The following KANSL1 variants were observed in gnomAD, a reference collection of about 807,000 sequenced individuals.
KANSL1 encodes MLL1/MLL complex subunit KANSL1.
In KANSL1, 22 loss-of-function variants were observed where a neutral mutation model predicts 103.6. The ratio of observed to expected loss-of-function variants is 0.21; its 90% CI spans 0.15 to 0.30. KANSL1 has a LOEUF of 0.30. Ranked by LOEUF, KANSL1 falls within the 10% of genes least tolerant of loss-of-function variation. The probability of loss-of-function intolerance (pLI) is 1.00; values close to 1 mark genes in which losing one functional copy is unlikely to be tolerated. For synonymous variants in KANSL1, 600 were observed against 527.6 expected (o/e 1.14, Z -1.88); for missense variants, 1,337 against 1,399.8 (o/e 0.96, Z 0.72).
rs1176379015 is a variant in KANSL1, at chr17:46,131,177, T to C, written c.1290-36476A>G. ...GATGTATTATAAAAGAGAAGAAATT[T>C]TGCCTGGTTTTTACATTTATTTAAG... On this transcript the variant is annotated intron_variant, in intron 2 of 14. Transcript: ENST00000432791. 3.3e-5 allele frequency among the ~76,000 whole-genome samples: 5 copies of C among 152,246 alleles called. No individual in the cohort carries two copies. The East Asian group carries it at 5.8e-4, about 18-fold the overall frequency.
intron 1 of KANSL1, among the ~76,000 whole-genome samples, chr17:46,219,191 G>A (rs1377968396): frequency 1.3e-5 from 2 of 151,650 alleles, no homozygotes; most frequent in Non-Finnish European, 2.9e-5. Context: ...TTGAACCCAG[G>A]AAGTGGAGGT....
intron 4 of KANSL1, among the ~76,000 whole-genome samples, chr17:46,079,240 A>G (rs2078898615): frequency 6.6e-6 from 1 of 152,240 alleles, no homozygotes; most frequent in Admixed American, 6.5e-5. Context: ...ACTTAGTTCA[A>G]TAATATCTGT....
intron 2 of KANSL1, among the ~76,000 whole-genome samples, chr17:46,140,013 T>C (rs2044340452): frequency 6.6e-6 from 1 of 152,174 alleles, no homozygotes; most frequent in Non-Finnish European, 1.5e-5. Context: ...AAGCTCATAA[T>C]AAAATTTCAA....
intron 10 of KANSL1, chr17:46,038,253 A>T (rs2146354555): frequency 2.4e-6 from 1 of 414,760 alleles, no homozygotes; most frequent in Non-Finnish European, 4.3e-6. Context: ...GATCTTGAAT[A>T]GTCACAGATC....
At chr17:46,217,683 G>T (rs1313382907) in intron 1 of KANSL1, among the ~76,000 whole-genome samples, 1 of 152,106 alleles carries the variant, frequency 6.6e-6, no homozygotes, top group Non-Finnish European at 1.5e-5. Context: ...AAGGTCAGGA[G>T]TTTGAGACCA....
intron 2 of KANSL1, among the ~76,000 whole-genome samples, chr17:46,162,823 T>C (rs2045813301): frequency 6.6e-6 from 1 of 152,260 alleles, no homozygotes; most frequent in Admixed American, 6.5e-5. Context: ...GGCAACTAGC[T>C]ACCTCTCTGG....
At chr17:46,070,184 A>G (rs1336991424) in intron 4 of KANSL1, among the ~76,000 whole-genome samples, 1 of 152,228 alleles carries the variant, frequency 6.6e-6, no homozygotes, top group Non-Finnish European at 1.5e-5. Context: ...CACTGCAATG[A>G]TATCTATCAA....
chr17:46,146,495 A>AC (rs1399891108), intron 2 of KANSL1, among the ~76,000 whole-genome samples: 1 of 152,222 alleles, frequency 6.6e-6, no homozygotes, highest in African/African-American at 2.4e-5. Context: ...AGGTAGGGCT[A>AC]CCCCATAGGC....
rs761095389 is a variant in KANSL1, at chr17:46,102,872, C to T, written c.1290-8171G>A. 1.2e-4 allele frequency among the ~76,000 whole-genome samples: 18 copies of T among 152,254 alleles called. No homozygotes were observed. The Middle Eastern group carries it at 0.01, about 86-fold the overall frequency. ...TAATCAAATAATCATATAAAATATA[C>T]GATAAGAGATCCTAACTATGTCAGA... is the stretch of plus-strand genomic sequence containing the variant. On this transcript the variant is annotated intron_variant, in intron 2 of 14. Transcript: ENST00000432791.
intron 2 of KANSL1, among the ~76,000 whole-genome samples, chr17:46,136,676 G>T (rs1274474060): frequency 6.6e-6 from 1 of 152,046 alleles, no homozygotes; most frequent in Admixed American, 6.5e-5. Flanking sequence ...GTTCCATGAA[G>T]ATTCAGGAAA....
chr17:46,065,553 A>C (rs2078347812), intron 6 of KANSL1, among the ~76,000 whole-genome samples: 1 of 152,158 alleles, frequency 6.6e-6, no homozygotes, highest in Admixed American at 6.5e-5. Context: ...TTGAACCCTC[A>C]AACAACCCTA....
chr17:46,170,698 C>T, intron 2 of KANSL1, 157 bp downstream of exon 2: 1 of 773,524 alleles, frequency 1.3e-6, no homozygotes, highest in South Asian at 1.9e-5. Context: ...TCTTCACTAG[C>T]ATGTATATGC....
rs147195653 is a variant in KANSL1 at position 46,066,557 on chromosome 17, T to G, written c.1828A>C (p.Ile610Leu). Reference protein sequence around the residue: ...KKRRLVRPNSIVPLSKKVHRN... With the variant: ...KKRRLVRPNSLVPLSKKVHRN... ...CCGACCTTCTTGGAAAGAGGAACGA[T>G]GCTGTTGGGTCGAACAAGCCTCCGC... is the stretch of plus-strand genomic sequence containing the variant. The change falls in exon 6 of 15, where the codon ATC becomes CTC. Residue 610 changes from isoleucine to leucine, a missense_variant. Coordinates refer to ENST00000432791, the MANE Select transcript of KANSL1 (RefSeq NM_015443.4). 6.2e-7 allele frequency: 1 copy of G among 1,613,310 alleles called. No homozygotes were observed. Among genetic ancestry groups the G allele is most frequent in the Admixed American group, 1.7e-5 (1 of 59,966 alleles).
At chr17:46,093,841 G>C (rs72628323) in intron 3 of KANSL1, 1 of 152,112 alleles carries the variant, frequency 6.6e-6, no homozygotes, top group East Asian at 1.9e-4. Flanking sequence ...GCTTCATGAA[G>C]GTAGGATTTT....
chr17:46,165,301 C>T (rs1202174821), intron 2 of KANSL1, among the ~76,000 whole-genome samples: 2 of 152,090 alleles, frequency 1.3e-5, no homozygotes, highest in East Asian at 1.9e-4. Flanking sequence ...GGTGCGATCT[C>T]GGCTCACTGC....
chr17:46,083,788 A>G (rs915234731), intron 3 of KANSL1, among the ~76,000 whole-genome samples: 1 of 152,168 alleles, frequency 6.6e-6, no homozygotes, highest in African/African-American at 2.4e-5. Flanking sequence ...GTTTGGGCTC[A>G]AAGAACATCC....
intron 6 of KANSL1, among the ~76,000 whole-genome samples, chr17:46,051,388 G>GA (rs112887308): frequency 0.14 from 21,780 of 152,192 alleles, 2,118 homozygotes; most frequent in Non-Finnish European, 0.22. Flanking sequence ...ATTCCAAAGG[G>GA]TAGAAATTAT....
chr17:46,094,871 G>C (rs1407971505), intron 2 of KANSL1, among the ~76,000 whole-genome samples, 170 bp from the exon 3 acceptor site: 1 of 152,200 alleles, frequency 6.6e-6, no homozygotes, highest in Non-Finnish European at 1.5e-5. Flanking sequence ...GATGCACATG[G>C]ATATAAACTT....
intron 2 of KANSL1, among the ~76,000 whole-genome samples, chr17:46,147,572 T>TTA (rs760450528): frequency 9.7e-6 from 1 of 103,068 alleles, no homozygotes; most frequent in Admixed American, 1.0e-4. Context: ...TGAGACTCTT[T>TTA]AAAAAAAAAA....
Sources: allele counts gnomAD v4.1 joint callset (sites outside exome capture counted in the v4.1 genomes callset), GRCh38; gene constraint gnomAD v4.1.1; transcripts MANE v1.5; gene names NCBI Gene and HGNC (gene_info 2026-07-23, HGNC 2026-07-21).